NMBR: variants seen among roughly 807,000 people sequenced by gnomAD.
The protein encoded by NMBR is neuromedin B receptor.
NMBR carries 16 observed loss-of-function variants against 20.5 expected under a neutral mutation model. The observed-to-expected ratio is 0.78, with a 90% CI of 0.53 to 1.19. The LOEUF is 1.19. Among genes scored for constraint, NMBR ranks in the 50% most tolerant of loss-of-function variants. NMBR has a pLI of 0.00. For missense variants in NMBR, 582 were observed against 499.1 expected (o/e 1.17, Z -1.58); for synonymous variants, 212 against 196.6 (o/e 1.08, Z -0.65).
In NMBR at chr6:142,075,230, T is replaced by C. The variant is rs1046752485; in HGVS notation, c.*418A>G. ...CCCTCACTGAATCATTGAGTCAATA[T>C]AGAAATTTATTTCATGCTTCAAGAT... is the stretch of plus-strand genomic sequence containing the variant. On this transcript the variant is annotated 3_prime_UTR_variant, in exon 4 of 4. Coordinates refer to ENST00000258042, the MANE Select transcript of NMBR (RefSeq NM_002511.4). Among the ~76,000 whole-genome samples the C allele has an allele frequency of 2.6e-5, 4 of 152,040 alleles. No individual in the cohort carries two copies. The highest frequency in any genetic ancestry group is 9.7e-5 in the African/African-American group (4 of 41,404).
intron 1 of NMBR, among the ~76,000 whole-genome samples, chr6:142,098,130 GA>G (rs1162001272): frequency 6.6e-6 from 1 of 152,046 alleles, no homozygotes; most frequent in Admixed American, 6.6e-5. Context: ...AATACTTGAA[GA>G]AAAAACAGCC....
chr6:142,090,756 T>C (rs1019223647), intron 1 of NMBR, among the ~76,000 whole-genome samples: 1 of 151,726 alleles, frequency 6.6e-6, no homozygotes, highest in African/African-American at 2.4e-5. Flanking sequence ...CAGAATAAAT[T>C]ACTAAAGCAA....
At chr6:142,085,392 C>T (rs568437880) in intron 2 of NMBR, among the ~76,000 whole-genome samples, 3 of 152,180 alleles carry the variant, frequency 2.0e-5, no homozygotes, top group Admixed American at 1.3e-4. Context: ...GGCATAGTGG[C>T]GTGTGCCTGT....
At chr6:142,141,253 T>C (rs913273910) in intron 1 of NMBR, among the ~76,000 whole-genome samples, 2 of 152,096 alleles carry the variant, frequency 1.3e-5, no homozygotes, top group African/African-American at 2.4e-5. Context: ...TAGAAATTAA[T>C]AAAATTAAGA....
chr6:142,096,635 G>A (rs901231062), intron 1 of NMBR, among the ~76,000 whole-genome samples: 8 of 151,960 alleles, frequency 5.3e-5, no homozygotes, highest in South Asian at 2.1e-4. Flanking sequence ...GTGCTGAAAA[G>A]AATGTATATT....
chr6:142,090,577 ATATT>A (rs1289252089), intron 1 of NMBR, among the ~76,000 whole-genome samples: 1 of 149,644 alleles, frequency 6.7e-6, no homozygotes, highest in African/African-American at 2.4e-5. Context: ...GAATATATAA[ATATT>A]CTATTTATAT....
intron 1 of NMBR, among the ~76,000 whole-genome samples, chr6:142,095,505 A>T (rs1272610085): frequency 6.6e-6 from 1 of 152,188 alleles, no homozygotes; most frequent in Non-Finnish European, 1.5e-5. Flanking sequence ...GATGAAGCCC[A>T]CTTGATCATG....
chr6:142,099,158 G>A (rs867764630), intron 1 of NMBR, among the ~76,000 whole-genome samples: 20 of 152,048 alleles, frequency 1.3e-4, no homozygotes, highest in Admixed American at 3.3e-4. Flanking sequence ...AAAAATTCAC[G>A]AAAAGTAGAT....
rs1044099611 is a variant in NMBR at position 142,089,335 on chromosome 6, T to C, written c.-663-14A>G. 4 of 152,084 alleles carry C rather than the reference T, an allele frequency of 2.6e-5. No individual in the cohort carries two copies. Among genetic ancestry groups the C allele is most frequent in the East Asian group, 1.9e-4 (1 of 5,172 alleles). The allele number at this position is 152,084 out of a possible 1,614,324, so 9.4% of individuals were successfully genotyped here. A position where few individuals can be genotyped will look rare whatever the true frequency, so the allele number is the denominator to read the frequency against. On this transcript the variant is annotated splice_polypyrimidine_tract_variant and intron_variant, in intron 1 of 3. Coordinates refer to ENST00000258042, the MANE Select transcript of NMBR (RefSeq NM_002511.4). ...AAGTCCCTAATGCTGAAACACAGAA[T>C]TTAGGGGAAAAAAATGAGTGCCAAA...
Position 142,093,478 on chromosome 6 carries a change from G to A in NMBR, c.-663-4157C>T, listed in dbSNP as rs1210235073. 1.1e-4 allele frequency among the ~76,000 whole-genome samples: 16 copies of A among 151,630 alleles called. No homozygotes were observed. The East Asian group carries it at 3.1e-3, about 29-fold the overall frequency. ...TCATCCATGTCCCTACAAAGGACAG[G>A]AACTCATCATTTTTTATGGCTGCAT... On this transcript the variant is annotated intron_variant, in intron 1 of 3. Transcript: ENST00000258042.
chr6:142,109,919 C>T lies in NMBR; in HGVS notation c.-663-20598G>A, dbSNP rs553176383. 1.5e-4 allele frequency among the ~76,000 whole-genome samples: 23 copies of T among 152,234 alleles called. No individual in the cohort carries two copies. In the South Asian group the frequency reaches 4.8e-3, roughly 32 times the overall value. The stretch of plus-strand genomic sequence containing the variant: ...TATATAGATATGAGCCTTCACCAGA[C>T]ACCACGAGTCTCCTTGATCTTGGAC... On this transcript the variant is annotated intron_variant, in intron 1 of 3. Transcript: ENST00000258042.
At chr6:142,119,207 A>G (rs1279038404) in intron 1 of NMBR, among the ~76,000 whole-genome samples, 1 of 152,004 alleles carries the variant, frequency 6.6e-6, no homozygotes, top group Admixed American at 6.6e-5. Context: ...ATGCTCAGTG[A>G]GTGAAATAGT....
chr6:142,132,249 T>C (rs1346616541), intron 1 of NMBR, among the ~76,000 whole-genome samples: 2 of 152,174 alleles, frequency 1.3e-5, no homozygotes, highest in South Asian at 2.1e-4. Context: ...AAAGCAAATA[T>C]AATCAATGAT....
At chr6:142,145,014 C>A (rs1186335240) in intron 1 of NMBR, among the ~76,000 whole-genome samples, 3 of 109,338 alleles carry the variant, frequency 2.7e-5, no homozygotes, top group African/African-American at 1.1e-4. Context: ...AGAGTGAGAA[C>A]CTGTCTAAAA....
chr6:142,078,718 T>C lies in NMBR; in HGVS notation c.608A>G (p.Gln203Arg), dbSNP rs1303855835. 1.9e-6 allele frequency: 3 copies of C among 1,613,972 alleles called. No homozygotes were observed. The highest frequency in any genetic ancestry group is 2.5e-6 in the Non-Finnish European group (3 of 1,179,980). Residue 203 changes from glutamine to arginine, a missense_variant, in exon 3 of 4, where the codon CAA (glutamine) becomes CGA (arginine). By Grantham distance (43) the Gln-to-Arg change is conservative (BLOSUM62 1). Transcript: ENST00000258042. ...SSFTACIPYP[Q>R]TDELHPKIHS... ...AATCTTTGGATGTAATTCATCTGTT[T>C]GAGGGTATGGGATACATGCTGTGAA...
intron 1 of NMBR, among the ~76,000 whole-genome samples, chr6:142,101,473 G>T (rs527947633): frequency 1.3e-5 from 2 of 152,262 alleles, no homozygotes; most frequent in African/African-American, 2.4e-5. Context: ...AGAACAGTGG[G>T]TTTTTTAAGG....
In NMBR at chr6:142,080,872, C is replaced by A. The variant is rs779623019; in HGVS notation, c.423-1969G>T. Among the ~76,000 whole-genome samples the A allele has an allele frequency of 5.3e-5, 8 of 152,184 alleles. No individual in the cohort carries two copies. In the South Asian group the frequency reaches 8.3e-4, roughly 16 times the overall value. ...CAAAAACCACAAAGGGTATTCTGAA[C>A]TTTCCTCCACGTATTTAAAAAGGAG... On this transcript the variant is annotated intron_variant, in intron 2 of 3. Coordinates refer to ENST00000258042, the MANE Select transcript of NMBR (RefSeq NM_002511.4).
At chr6:142,099,980 A>C (rs1777530291) in intron 1 of NMBR, among the ~76,000 whole-genome samples, 1 of 152,216 alleles carries the variant, frequency 6.6e-6, no homozygotes, top group African/African-American at 2.4e-5. Flanking sequence ...ACATCATGCC[A>C]TTAAGCAATT....
chr6:142,111,460 A>G (rs79778722), intron 1 of NMBR, among the ~76,000 whole-genome samples: 238 of 152,282 alleles, frequency 1.6e-3, no homozygotes, highest in Non-Finnish European at 3.1e-3. Flanking sequence ...TTACATAATA[A>G]TATGATTTCT....
Sources: gnomAD v4.1 joint callset for allele counts (sites outside exome capture counted in the v4.1 genomes callset) on GRCh38, gnomAD v4.1.1 for gene constraint, MANE v1.5 for transcripts, NCBI Gene and HGNC (gene_info 2026-07-23, HGNC 2026-07-21) for gene names.